The following SKIC3 variants were observed in gnomAD, a reference collection of about 807,000 sequenced individuals.
The protein encoded by SKIC3 is superkiller complex protein 3.
chr5:95,486,981 G>C, the SKIC3 span, among the ~76,000 whole-genome samples: 1 of 152,146 alleles, frequency 6.6e-6, no homozygotes, highest in African/African-American at 2.4e-5. Flanking sequence ...ATTAATCCTG[G>C]GTGTGTCTGT....
At chr5:95,551,941 AAAC>A in the SKIC3 span, among the ~76,000 whole-genome samples, 1 of 151,970 alleles carries the variant, frequency 6.6e-6, no homozygotes, top group East Asian at 1.9e-4. Flanking sequence ...GCCATTCCTA[AAAC>A]AACTAGTGTG....
At chr5:95,552,688 A>G in the SKIC3 span, among the ~76,000 whole-genome samples, 1 of 152,176 alleles carries the variant, frequency 6.6e-6, no homozygotes, top group African/African-American at 2.4e-5. Context: ...GGAGTGAAAA[A>G]TGGCGGGAGG....
the SKIC3 span, among the ~76,000 whole-genome samples, chr5:95,490,489 C>CAT: frequency 0.029 from 4,066 of 138,494 alleles, 65 homozygotes; most frequent in Middle Eastern, 0.041. Context: ...TAAAAATATA[C>CAT]ATATATATAT....
chr5:95,488,041 T>C, the SKIC3 span, among the ~76,000 whole-genome samples: 3 of 151,648 alleles, frequency 2.0e-5, no homozygotes, highest in Non-Finnish European at 2.9e-5. Context: ...TTGAATGAAA[T>C]ACAAAATATA....
the SKIC3 span, among the ~76,000 whole-genome samples, chr5:95,496,583 C>A: frequency 6.6e-6 from 1 of 152,078 alleles, no homozygotes; most frequent in South Asian, 2.1e-4. Context: ...GATTGATGGA[C>A]CTCCCAAGCA....
the SKIC3 span, chr5:95,524,427 C>T: frequency 1.7e-4 from 267 of 1,610,474 alleles, 1 homozygote; most frequent in African/African-American, 2.2e-3. Flanking sequence ...TTTATAATGC[C>T]ATTTCAACTA....
At chr5:95,522,075 C>T in the SKIC3 span, 1 of 1,613,528 alleles carries the variant, frequency 6.2e-7, no homozygotes, top group South Asian at 1.1e-5. Flanking sequence ...GGCACATAAT[C>T]TTCTTTCTTT....
chr5:95,499,363 G>T, the SKIC3 span, among the ~76,000 whole-genome samples: 2 of 152,138 alleles, frequency 1.3e-5, no homozygotes, highest in African/African-American at 4.8e-5. Context: ...CTCTGGCCAT[G>T]TAAAACATGC....
the SKIC3 span, among the ~76,000 whole-genome samples, chr5:95,490,501 TATA>T: frequency 6.4e-5 from 8 of 124,782 alleles, no homozygotes; most frequent in Admixed American, 7.8e-5. Context: ...TATATATATA[TATA>T]TTTTTTTTTT....
chr5:95,522,124 T>G, the SKIC3 span: 7 of 1,613,868 alleles, frequency 4.3e-6, no homozygotes, highest in South Asian at 6.6e-5. Flanking sequence ...CCTCCTTATA[T>G]TTGCCTAGGA....
chr5:95,551,973 T>C, the SKIC3 span, among the ~76,000 whole-genome samples: 1 of 151,348 alleles, frequency 6.6e-6, no homozygotes, highest in Non-Finnish European at 1.5e-5. Flanking sequence ...GTGTTAAAAA[T>C]TTTCCCTACA....
the SKIC3 span, chr5:95,523,169 C>A: frequency 6.2e-7 from 1 of 1,612,958 alleles, no homozygotes; most frequent in South Asian, 1.1e-5. Context: ...TTATGCTTGT[C>A]TAACATAGTT....
the SKIC3 span, chr5:95,490,805 T>G: frequency 6.1e-6 from 9 of 1,478,426 alleles, no homozygotes; most frequent in East Asian, 2.2e-4. Context: ...GCCTAATGAA[T>G]ATATTTTTTA....
At chr5:95,504,354 TAA>T in the SKIC3 span, among the ~76,000 whole-genome samples, 1 of 151,118 alleles carries the variant, frequency 6.6e-6, no homozygotes, top group East Asian at 1.9e-4. Flanking sequence ...AAATTTACAC[TAA>T]GTTTCTTTTG....
chr5:95,520,111 T>C, the SKIC3 span, among the ~76,000 whole-genome samples: 2 of 151,992 alleles, frequency 1.3e-5, no homozygotes, highest in Non-Finnish European at 2.9e-5. Context: ...ACATCTAACT[T>C]GTGGACTTTT....
At chr5:95,549,786 C>T in the SKIC3 span, among the ~76,000 whole-genome samples, 1 of 151,542 alleles carries the variant, frequency 6.6e-6, no homozygotes, top group African/African-American at 2.4e-5. Context: ...GGGAAACGTC[C>T]ATTCACCAAT....
At chr5:95,490,322 T>G in the SKIC3 span, among the ~76,000 whole-genome samples, 4 of 151,588 alleles carry the variant, frequency 2.6e-5, no homozygotes, top group African/African-American at 9.7e-5. Flanking sequence ...CCATTGGGCT[T>G]TTAAGCTATC....
chr5:95,550,670 G>A, the SKIC3 span: 2 of 152,266 alleles, frequency 1.3e-5, no homozygotes, highest in Non-Finnish European at 2.9e-5. Context: ...ACAAAAACAA[G>A]TATGAGACAA....
the SKIC3 span, chr5:95,467,759 A>T: frequency 6.7e-7 from 1 of 1,483,586 alleles, no homozygotes; most frequent in African/African-American, 1.4e-5. Context: ...ATTCAATCAT[A>T]AAAGTGAAGT....
Sources: allele counts gnomAD v4.1 joint callset (sites outside exome capture counted in the v4.1 genomes callset), GRCh38; gene constraint gnomAD v4.1.1; transcripts MANE v1.5; gene names NCBI Gene and HGNC (gene_info 2026-07-23, HGNC 2026-07-21).